The following NTRK3 variants were observed in gnomAD, a reference collection of about 807,000 sequenced individuals.
NTRK3 encodes the protein NT-3 growth factor receptor.
A neutral mutation model predicts 91.7 loss-of-function variants in NTRK3; 24 were observed. That is an observed-to-expected ratio of 0.26 (90% CI 0.19 to 0.37). NTRK3 has a LOEUF of 0.37. NTRK3 is among the 10% of genes least tolerant of loss of function. NTRK3 has a pLI of 1.00. For missense variants in NTRK3, 880 were observed against 1,068.9 expected, an observed-to-expected ratio of 0.82 and a Z score of 2.46; for synonymous variants, 483 against 404.0, an observed-to-expected ratio of 1.20 and a Z score of -2.34.
At chr15:87,898,296 C>A (rs1341073525) in intron 17 of NTRK3, among the ~76,000 whole-genome samples, 2 of 152,180 alleles carry the variant, frequency 1.3e-5, no homozygotes, top group African/African-American at 4.8e-5. Flanking sequence ...TAATCTATTG[C>A]CGCACTCCAA....
At position 87,870,020 on chromosome 15, in the gene NTRK3, G is replaced by A. The variant is rs181491165; in HGVS notation, c.*6915C>T. Reference sequence around the variant, plus strand: ...CATGTAAAAGAATGTCAGTAATCCCGCAGCCCTATTACTGGGTATCTGCCC... The same window carrying A: ...CATGTAAAAGAATGTCAGTAATCCCACAGCCCTATTACTGGGTATCTGCCC... On this transcript the variant is annotated 3_prime_UTR_variant, in exon 19 of 19. Coordinates refer to ENST00000394480, the Ensembl canonical transcript of NTRK3. 9.9e-4 allele frequency: 191 copies of A among 192,216 alleles called. 1 individual carries two copies. The highest frequency in any genetic ancestry group is 4.2e-3 in the African/African-American group (179 of 43,106). 11.9% of individuals were successfully genotyped at this position (192,216 alleles called of 1,614,324 possible). A position where few individuals can be genotyped will look rare whatever the true frequency, so the allele number is the denominator to read the frequency against.
At chr15:88,032,008 C>G in intron 14 of NTRK3, among the ~76,000 whole-genome samples, 1 of 152,178 alleles carries the variant, frequency 6.6e-6, no homozygotes, top group Non-Finnish European at 1.5e-5. Context: ...GTCCTTCCAG[C>G]TCTCAGGCAG....
At chr15:88,248,397 C>G (rs2053042005) in intron 3 of NTRK3, among the ~76,000 whole-genome samples, 1 of 152,206 alleles carries the variant, frequency 6.6e-6, no homozygotes, top group Non-Finnish European at 1.5e-5. Flanking sequence ...TATGTGCCTT[C>G]CCCTTATATC....
At chr15:88,251,056 A>G (rs2053297713) in intron 3 of NTRK3, among the ~76,000 whole-genome samples, 1 of 152,148 alleles carries the variant, frequency 6.6e-6, no homozygotes, top group Non-Finnish European at 1.5e-5. Context: ...GGCCCTAATG[A>G]GAGGCTGCAG....
chr15:88,245,730 C>A (rs1371746936), intron 3 of NTRK3, among the ~76,000 whole-genome samples: 2 of 152,036 alleles, frequency 1.3e-5, no homozygotes, highest in Non-Finnish European at 2.9e-5. Context: ...TCATTGAAAT[C>A]TTATAATAGT....
Position 88,124,148 on chromosome 15 carries a change from A to T in NTRK3, c.1396+2123T>A, listed in dbSNP as rs552935476. On this transcript the variant is annotated intron_variant, in intron 13 of 18. Transcript: ENST00000394480. ...TAAAGATGAAAGAGATTCAGGCTTA[A>T]TTCTAAACAAGGTGAGTCTTAGATA... Among the ~76,000 whole-genome samples, 8 of 152,362 alleles carry T rather than the reference A, an allele frequency of 5.3e-5. No individual in the cohort carries two copies. The East Asian group carries it at 1.5e-3, about 29-fold the overall frequency.
At chr15:88,115,751 G>A (rs766594970) in intron 13 of NTRK3, among the ~76,000 whole-genome samples, 17 of 152,052 alleles carry the variant, frequency 1.1e-4, no homozygotes, top group Non-Finnish European at 2.2e-4. Flanking sequence ...AATACCAACC[G>A]CCAGAGCAGC....
chr15:88,050,578 A>G (rs1413815379), intron 13 of NTRK3, among the ~76,000 whole-genome samples: 2 of 151,952 alleles, frequency 1.3e-5, no homozygotes, highest in African/African-American at 4.8e-5. Context: ...CACACACACA[A>G]ATAAATCAGA....
intron 17 of NTRK3, among the ~76,000 whole-genome samples, chr15:87,923,831 T>C (rs1375072482): frequency 6.6e-6 from 1 of 152,136 alleles, no homozygotes; most frequent in Non-Finnish European, 1.5e-5. Context: ...GGGTTTGTTA[T>C]CACAAGAGCG....
At chr15:88,007,520 T>C (rs2076580176) in intron 14 of NTRK3, among the ~76,000 whole-genome samples, 1 of 152,158 alleles carries the variant, frequency 6.6e-6, no homozygotes, top group African/African-American at 2.4e-5. Flanking sequence ...TGAAATTGGA[T>C]GGCCACCTAT....
intron 3 of NTRK3, among the ~76,000 whole-genome samples, chr15:88,219,189 C>A (rs1411248310): frequency 6.6e-6 from 1 of 152,242 alleles, no homozygotes; most frequent in Admixed American, 6.5e-5. Flanking sequence ...CAGAGTCCAA[C>A]TTCCCCCTTC....
chr15:88,129,811 T>A (rs963198653), intron 10 of NTRK3, among the ~76,000 whole-genome samples: 3 of 152,172 alleles, frequency 2.0e-5, no homozygotes, highest in Admixed American at 6.5e-5. Context: ...GGATTAGGAT[T>A]ATGTAGTCCC....
chr15:87,960,699 G>A (rs1283664012), intron 14 of NTRK3, among the ~76,000 whole-genome samples: 1 of 152,074 alleles, frequency 6.6e-6, no homozygotes. Flanking sequence ...TGGCCAGGCT[G>A]GTCTTGAACT....
At chr15:87,980,799 G>C (rs942370792) in intron 14 of NTRK3, among the ~76,000 whole-genome samples, 1 of 152,176 alleles carries the variant, frequency 6.6e-6, no homozygotes, top group African/African-American at 2.4e-5. Flanking sequence ...TGTGAAGATA[G>C]AGGAAACCTT....
At chr15:87,887,838 C>T (rs1203656418) in intron 17 of NTRK3, among the ~76,000 whole-genome samples, 7 of 152,156 alleles carry the variant, frequency 4.6e-5, no homozygotes, top group Admixed American at 4.6e-4. Flanking sequence ...CTTATTTAAG[C>T]TCTCTCCATT....
At chr15:88,103,983 T>C (rs1313259655) in intron 13 of NTRK3, among the ~76,000 whole-genome samples, 1 of 152,230 alleles carries the variant, frequency 6.6e-6, no homozygotes, top group Non-Finnish European at 1.5e-5. Flanking sequence ...AGGTTTTCTG[T>C]GCTACTAAAC....
chr15:88,052,368 C>G (rs1284389790), intron 13 of NTRK3, among the ~76,000 whole-genome samples: 2 of 152,198 alleles, frequency 1.3e-5, no homozygotes, highest in African/African-American at 4.8e-5. Context: ...GGTGACTTGC[C>G]TGAGCACACA....
At chr15:88,034,182 T>C (rs959612229) in intron 13 of NTRK3, among the ~76,000 whole-genome samples, 1 of 152,172 alleles carries the variant, frequency 6.6e-6, no homozygotes, top group African/African-American at 2.4e-5. Context: ...GGACCTAAGC[T>C]GAGCCAAGTT....
At chr15:88,194,351 C>G (rs971712449) in intron 3 of NTRK3, among the ~76,000 whole-genome samples, 1 of 152,250 alleles carries the variant, frequency 6.6e-6, no homozygotes, top group African/African-American at 2.4e-5. Context: ...TGATAGCACT[C>G]AAATGTGCAT....
Sources: allele counts gnomAD v4.1 joint callset (sites outside exome capture counted in the v4.1 genomes callset), GRCh38; gene constraint gnomAD v4.1.1; transcripts MANE v1.5; gene names NCBI Gene and HGNC (gene_info 2026-07-23, HGNC 2026-07-21).